Variants in ERBB4 observed in about 807,000 individuals in gnomAD.
ERBB4 encodes the protein erb-b2 receptor tyrosine kinase 4.
ERBB4 carries 42 observed loss-of-function variants against 158.0 expected under a neutral mutation model. The observed-to-expected ratio is 0.27, with a 90% CI of 0.21 to 0.34. The LOEUF (loss-of-function observed/expected upper bound fraction) is 0.34. ERBB4 is among the 10% of genes least tolerant of loss of function. ERBB4 has a pLI of 1.00. For missense variants in ERBB4, 1,333 were observed against 1,624.1 expected (o/e 0.82, Z 3.08); for synonymous variants, 583 against 558.7 (o/e 1.04, Z -0.61).
At position 212,127,425 on chromosome 2, in the gene ERBB4, A is replaced by T. The variant is rs138284639; in HGVS notation, c.83-2522T>A. On this transcript the variant is annotated intron_variant, in intron 1 of 27. Coordinates refer to ENST00000342788, the MANE Select transcript of ERBB4 (RefSeq NM_005235.3). ...GGTCAACACAGTGAAACCCCGTCTC[A>T]ACTAAAAATACAAACAATTAGCCGG... Among the ~76,000 whole-genome samples, 47 of 152,182 alleles carry T rather than the reference A, an allele frequency of 3.1e-4. No homozygotes were observed. In the South Asian group the frequency reaches 4.6e-3, roughly 15 times the overall value.
At chr2:211,991,840 G>A (rs573820464) in intron 2 of ERBB4, among the ~76,000 whole-genome samples, 7 of 152,200 alleles carry the variant, frequency 4.6e-5, no homozygotes, top group Non-Finnish European at 8.8e-5. Context: ...CTAAGTCTTC[G>A]GCTGAGTTGG....
At chr2:211,896,726 C>T (rs78222059) in intron 3 of ERBB4, among the ~76,000 whole-genome samples, 3,456 of 152,126 alleles carry the variant, frequency 0.023, 52 homozygotes, top group Middle Eastern at 0.062. Flanking sequence ...AAATGTCATT[C>T]AATTAACTTT....
intron 1 of ERBB4, among the ~76,000 whole-genome samples, chr2:212,137,343 A>C (rs1408420046): frequency 2.0e-5 from 3 of 152,028 alleles, no homozygotes; most frequent in Admixed American, 6.6e-5. Context: ...TCACCCACCA[A>C]TAGGCCCCAG....
intron 2 of ERBB4, among the ~76,000 whole-genome samples, chr2:212,111,940 C>T (rs1175409339): frequency 1.3e-5 from 2 of 152,196 alleles, no homozygotes; most frequent in African/African-American, 4.8e-5. Flanking sequence ...TAGCACTGTA[C>T]TTCTTTACAA....
intron 26 of ERBB4, 114 bp downstream of exon 26, chr2:211,387,831 T>A: frequency 1.2e-6 from 1 of 829,794 alleles, no homozygotes. Flanking sequence ...CACCAAATTC[T>A]TAACTCACTG....
intron 2 of ERBB4, among the ~76,000 whole-genome samples, chr2:212,017,850 A>G (rs1428463407): frequency 1.3e-5 from 2 of 152,154 alleles, no homozygotes; most frequent in Non-Finnish European, 2.9e-5. Context: ...TATTAGCAAA[A>G]TGATTCCTGA....
chr2:211,815,314 A>G (rs1216964955), intron 3 of ERBB4, among the ~76,000 whole-genome samples: 9 of 152,226 alleles, frequency 5.9e-5, no homozygotes, highest in Non-Finnish European at 1.2e-4. Context: ...TATTTTAAAA[A>G]TAATTCCAAA....
At chr2:211,397,499 T>A (rs2062945350) in intron 25 of ERBB4, among the ~76,000 whole-genome samples, 1 of 152,146 alleles carries the variant, frequency 6.6e-6, no homozygotes, top group South Asian at 2.1e-4. Context: ...AGATGACCCA[T>A]AGAGACGGTA....
intron 20 of ERBB4, among the ~76,000 whole-genome samples, chr2:211,475,759 T>G (rs1266928010): frequency 6.6e-6 from 1 of 152,034 alleles, no homozygotes; most frequent in African/African-American, 2.4e-5. Context: ...ATCAATCATC[T>G]GAAAAGGATG....
At chr2:211,567,544 GAAGA>G (rs2067586593) in intron 19 of ERBB4, among the ~76,000 whole-genome samples, 1 of 152,142 alleles carries the variant, frequency 6.6e-6, no homozygotes, top group African/African-American at 2.4e-5. Flanking sequence ...ATGTAAAGTA[GAAGA>G]AAGATTTTGG....
At chr2:212,052,240 C>T (rs1304825259) in intron 2 of ERBB4, among the ~76,000 whole-genome samples, 1 of 152,202 alleles carries the variant, frequency 6.6e-6, no homozygotes, top group Non-Finnish European at 1.5e-5. Flanking sequence ...AGACTCCTAG[C>T]TCTTCAGCTT....
chr2:211,929,757 T>A (rs2080122805), intron 3 of ERBB4, among the ~76,000 whole-genome samples: 1 of 152,206 alleles, frequency 6.6e-6, no homozygotes. Flanking sequence ...TGACACACAA[T>A]GTGCATGGCT....
intron 1 of ERBB4, among the ~76,000 whole-genome samples, chr2:212,234,241 T>C (rs1472661643): frequency 4.6e-5 from 7 of 152,114 alleles, no homozygotes; most frequent in African/African-American, 1.7e-4. Context: ...TGTTGGGTTT[T>C]CTGTTCCTGT....
At position 211,759,816 on chromosome 2, in the gene ERBB4, T is replaced by A. The variant is rs1325243667; in HGVS notation, c.557-9112A>T. Among the ~76,000 whole-genome samples the A allele has an allele frequency of 5.4e-5, 3 of 55,324 alleles. No homozygotes were observed. The South Asian group carries it at 1.5e-3, about 28-fold the overall frequency. 36.3% of individuals were successfully genotyped at this position (55,324 alleles called of 152,430 possible). On this transcript the variant is annotated intron_variant, in intron 4 of 27. Coordinates refer to ENST00000342788, the MANE Select transcript of ERBB4 (RefSeq NM_005235.3). ...TTTTTCATTTTCTAGAGTGTGTGTG[T>A]GTGTGTGTGTGTGTGTGTGTGTGTT...
intron 5 of ERBB4, among the ~76,000 whole-genome samples, chr2:211,730,707 A>T (rs2074401183): frequency 6.6e-6 from 1 of 152,096 alleles, no homozygotes. Flanking sequence ...TACATACCCC[A>T]TATTGAGTAG....
At chr2:212,322,487 G>A (rs1336627442) in intron 1 of ERBB4, among the ~76,000 whole-genome samples, 1 of 150,506 alleles carries the variant, frequency 6.6e-6, no homozygotes, top group African/African-American at 2.4e-5. Flanking sequence ...ATGTCTTCTA[G>A]AATATCTAAT....
chr2:212,345,109 CA>C (rs1028614950), intron 1 of ERBB4, among the ~76,000 whole-genome samples: 1 of 150,924 alleles, frequency 6.6e-6, no homozygotes, highest in Admixed American at 6.6e-5. Context: ...ACTAAAAATA[CA>C]AAAAAATTAG....
At chr2:212,434,336 A>G (rs2092091701) in intron 1 of ERBB4, among the ~76,000 whole-genome samples, 1 of 151,994 alleles carries the variant, frequency 6.6e-6, no homozygotes, top group African/African-American at 2.4e-5. Flanking sequence ...GTCAAGTGAA[A>G]ATATTTTTCC....
chr2:211,918,885 A>C (rs959643674), intron 3 of ERBB4, among the ~76,000 whole-genome samples: 5 of 152,118 alleles, frequency 3.3e-5, no homozygotes, highest in African/African-American at 1.2e-4. Flanking sequence ...TAAAAATATA[A>C]AAGAAATATA....
Sources: gnomAD v4.1 joint callset for allele counts (sites outside exome capture counted in the v4.1 genomes callset) on GRCh38, gnomAD v4.1.1 for gene constraint, MANE v1.5 for transcripts, NCBI Gene and HGNC (gene_info 2026-07-23, HGNC 2026-07-21) for gene names.